The following CREBBP variants were observed in gnomAD, a reference collection of about 807,000 sequenced individuals.
CREBBP encodes the protein CREB binding lysine acetyltransferase, also known as CREB-binding protein.
In CREBBP, 19 loss-of-function variants were observed where a neutral mutation model predicts 265.0. The observed-to-expected ratio is 0.07, with a 90% CI of 0.05 to 0.11. CREBBP has a LOEUF of 0.11. CREBBP is among the 10% of genes least tolerant of loss of function. The probability of loss-of-function intolerance (pLI) is 1.00; values close to 1 mark genes in which losing one functional copy is unlikely to be tolerated. For synonymous variants in CREBBP, 1,457 were observed against 1,223.7 expected (o/e 1.19, Z -3.98); for missense variants, 2,525 against 3,219.0 (o/e 0.78, Z 5.22).
In CREBBP at chr16:3,868,774, CCCA is replaced by C. The variant is rs2055232194; in HGVS notation, c.85+11055_85+11057del. Among the ~76,000 whole-genome samples the C allele has an allele frequency of 3.9e-5, 6 of 152,288 alleles. No homozygotes were observed. The South Asian group carries it at 1.2e-3, about 32-fold the overall frequency. On this transcript the variant is annotated intron_variant, in intron 1 of 30. Transcript: ENST00000262367. Reference sequence around the variant, plus strand: ...ACGGTGGGCACCACGGGACTGCTCACCCACCACACCACACAACTCAGAGTTCCA... The same window carrying C: ...ACGGTGGGCACCACGGGACTGCTCACCCACACCACACAACTCAGAGTTCCA...
In CREBBP at chr16:3,736,188, C is replaced by A. The variant is rs2151327931; in HGVS notation, c.4576G>T (p.Ala1526Ser). Residue 1526 changes from alanine (A) to serine (S), a missense_variant, in exon 28 of 31, where the codon GCA becomes TCA. By Grantham distance (99) the Ala-to-Ser change is moderately conservative (BLOSUM62 1). Around this residue, in one of 19 missense-constraint regions of CREBBP, gnomAD observed 93 missense variants for 161.5 expected, o/e 0.58. Coordinates refer to ENST00000262367, the MANE Select transcript of CREBBP (RefSeq NM_004380.3). The stretch of plus-strand genomic sequence containing the variant: ...GCACTGGTGAGCCTGTCTTCAGTTG[C>A]TTGTTTGAAAATATCCTGAGTGGGC... ...IHDYKDIFKQ[A>S]TEDRLTSAKE... The A allele has an allele frequency of 6.2e-7, 1 of 1,614,238 alleles. No homozygotes were observed. Among genetic ancestry groups the A allele is most frequent in the East Asian group, 2.2e-5 (1 of 44,888 alleles).
intron 5 of CREBBP, among the ~76,000 whole-genome samples, chr16:3,790,835 G>A (rs1244896606): frequency 6.6e-6 from 1 of 152,154 alleles, no homozygotes; most frequent in Non-Finnish European, 1.5e-5. Context: ...TCAGTAAAAG[G>A]AAAACCACGG....
intron 2 of CREBBP, among the ~76,000 whole-genome samples, chr16:3,817,107 G>C (rs1261772528): frequency 6.6e-6 from 1 of 152,152 alleles, no homozygotes; most frequent in East Asian, 1.9e-4. Flanking sequence ...ACAGGCCTTC[G>C]GAGTTGGTTT....
At chr16:3,798,934 G>T (rs1292802680) in intron 3 of CREBBP, among the ~76,000 whole-genome samples, 1 of 152,174 alleles carries the variant, frequency 6.6e-6, no homozygotes, top group Non-Finnish European at 1.5e-5. Context: ...CAATTCAAAT[G>T]CCCATCAAGT....
At chr16:3,874,340 G>C (rs528680278) in intron 1 of CREBBP, among the ~76,000 whole-genome samples, 4 of 152,208 alleles carry the variant, frequency 2.6e-5, no homozygotes, top group Non-Finnish European at 5.9e-5. Flanking sequence ...TTGCCCTGCT[G>C]CTGTTTTCCT....
At chr16:3,842,125 C>G (rs749092430) in intron 2 of CREBBP, among the ~76,000 whole-genome samples, 2 of 152,200 alleles carry the variant, frequency 1.3e-5, no homozygotes, top group African/African-American at 2.4e-5. Flanking sequence ...AAGCCCTAAT[C>G]TGACCCCCTA....
intron 2 of CREBBP, among the ~76,000 whole-genome samples, chr16:3,816,598 T>C (rs974587932): frequency 2.6e-5 from 4 of 152,158 alleles, no homozygotes; most frequent in South Asian, 2.1e-4. Context: ...TGAGTGACCA[T>C]GATCAACAAA....
rs59990532 is a variant in CREBBP, at chr16:3,842,967, C to CA, written c.798+7329dup. Among the ~76,000 whole-genome samples, 116 of 65,204 alleles carry CA rather than the reference C, an allele frequency of 1.8e-3. 1 individual carries two copies. The highest frequency in any genetic ancestry group is 7.0e-3 in the African/African-American group (110 of 15,672). 42.8% of individuals were successfully genotyped at this position (65,204 alleles called of 152,430 possible). On this transcript the variant is annotated intron_variant, in intron 2 of 30. Transcript: ENST00000262367. Reference sequence around the variant, plus strand: ...GGCAAAAAGAGCGAAACTCCCATCTCAAAAAAAAAAAAAAAAAAAAAAAAA... The same window carrying CA: ...GGCAAAAAGAGCGAAACTCCCATCTCAAAAAAAAAAAAAAAAAAAAAAAAAA...
intron 2 of CREBBP, among the ~76,000 whole-genome samples, chr16:3,836,793 A>T (rs184245434): frequency 6.6e-6 from 1 of 152,240 alleles, no homozygotes; most frequent in Non-Finnish European, 1.5e-5. Context: ...ACATTTCAGT[A>T]AACTACAGAC....
intron 28 of CREBBP, among the ~76,000 whole-genome samples, chr16:3,735,632 G>A (rs1266603597): frequency 2.6e-5 from 4 of 152,162 alleles, no homozygotes; most frequent in Non-Finnish European, 4.4e-5. Context: ...TGCACTGCCT[G>A]GCACTCAGGG....
intron 1 of CREBBP, among the ~76,000 whole-genome samples, chr16:3,879,350 C>A (rs964301998): frequency 6.6e-6 from 1 of 152,166 alleles, no homozygotes; most frequent in East Asian, 1.9e-4. Flanking sequence ...CGCAAGCTGG[C>A]GGCTGCTGTG....
intron 2 of CREBBP, among the ~76,000 whole-genome samples, chr16:3,812,379 A>G (rs1212467956): frequency 6.6e-6 from 1 of 151,854 alleles, no homozygotes; most frequent in Non-Finnish European, 1.5e-5. Context: ...AAGTTTCATC[A>G]TGTTGGCCAA....
Position 3,769,171 on chromosome 16 carries a change from C to T in CREBBP, c.3060+3G>A, listed in dbSNP as rs758263259. 6.2e-7 allele frequency: 1 copy of T among 1,614,022 alleles called. No homozygotes were observed. The highest frequency in any genetic ancestry group is 8.5e-7 in the Non-Finnish European group (1 of 1,180,050). ...CAATGCATTCCTAGGGAGCGGCACC[C>T]ACCTCAGACCTGGGCTCCCCTTTGG... is the stretch of plus-strand genomic sequence containing the variant. On this transcript the variant is annotated splice_donor_region_variant and intron_variant, in intron 15 of 30. Transcript: ENST00000262367.
chr16:3,832,533 C>G (rs1025207780), intron 2 of CREBBP, among the ~76,000 whole-genome samples: 1 of 152,206 alleles, frequency 6.6e-6, no homozygotes, highest in Non-Finnish European at 1.5e-5. Context: ...GTGTAGCCTA[C>G]TACACACCTA....
intron 12 of CREBBP, 23 bp downstream of exon 12, chr16:3,774,546 G>A (rs2141219352): frequency 2.5e-6 from 4 of 1,613,792 alleles, no homozygotes; most frequent in Non-Finnish European, 3.4e-6. Flanking sequence ...GCTATCTGCA[G>A]CACAGCGAAA....
intron 1 of CREBBP, among the ~76,000 whole-genome samples, chr16:3,878,178 A>G (rs2055442462): frequency 6.6e-6 from 1 of 152,254 alleles, no homozygotes; most frequent in Non-Finnish European, 1.5e-5. Context: ...GTTTCAGAAG[A>G]CAAGCTTCAA....
chr16:3,768,834 G>T (rs1452961457), intron 15 of CREBBP, among the ~76,000 whole-genome samples: 1 of 152,178 alleles, frequency 6.6e-6, no homozygotes, highest in Non-Finnish European at 1.5e-5. Context: ...TCTGCCATAG[G>T]TTAATTAGTA....
chr16:3,779,060 G>A lies in CREBBP; in HGVS notation c.1824-243C>T, dbSNP rs533708254. On this transcript the variant is annotated intron_variant, in intron 8 of 30. Transcript: ENST00000262367. The stretch of plus-strand genomic sequence containing the variant: ...TGGATGCCTGTAATCCCAGCTACTC[G>A]GGAGGCTGAGGCAAGAGAATTGCTT... Among the ~76,000 whole-genome samples the A allele has an allele frequency of 9.2e-5, 14 of 151,924 alleles. No homozygotes were observed. The East Asian group carries it at 2.1e-3, about 23-fold the overall frequency.
intron 8 of CREBBP, among the ~76,000 whole-genome samples, chr16:3,779,540 A>G (rs978807527): frequency 3.3e-5 from 5 of 152,160 alleles, no homozygotes; most frequent in African/African-American, 1.2e-4. Flanking sequence ...TGGTGGCAAT[A>G]CAGTGTGGAG....
Sources: gnomAD v4.1 joint callset for allele counts (sites outside exome capture counted in the v4.1 genomes callset) on GRCh38, gnomAD v4.1.1 for gene constraint, gnomAD v4.1.1 regional missense constraint, MANE v1.5 for transcripts, NCBI Gene and HGNC (gene_info 2026-07-23, HGNC 2026-07-21) for gene names.